The following SH3RF2 variants were observed in gnomAD, a reference collection of about 807,000 sequenced individuals.
SH3RF2 encodes E3 ubiquitin-protein ligase SH3RF2.
SH3RF2 carries 43 observed loss-of-function variants against 59.0 expected under a neutral mutation model. That is an observed-to-expected ratio of 0.73 (90% CI 0.57 to 0.94). The LOEUF is 0.94. Among genes scored for constraint, SH3RF2 ranks in the 40% least tolerant of loss-of-function variants. SH3RF2 has a pLI of 0.00. For synonymous variants in SH3RF2, 391 were observed against 391.5 expected, an observed-to-expected ratio of 1.00 and a Z score of 0.01; for missense variants, 930 against 940.1, an observed-to-expected ratio of 0.99 and a Z score of 0.14.
intron 2 of SH3RF2, among the ~76,000 whole-genome samples, chr5:145,947,408 T>C (rs1758039273): frequency 6.6e-6 from 1 of 152,164 alleles, no homozygotes; most frequent in Non-Finnish European, 1.5e-5. Flanking sequence ...TACTATGAAA[T>C]AGAAATAGTA....
At chr5:146,024,004 A>G (rs1013586435) in intron 5 of SH3RF2, among the ~76,000 whole-genome samples, 11 of 152,204 alleles carry the variant, frequency 7.2e-5, no homozygotes, top group African/African-American at 2.7e-4. Context: ...TTATCCACTC[A>G]TCAATGAATG....
At chr5:146,022,874 A>AACACACACACACACAC (rs57377156) in intron 5 of SH3RF2, among the ~76,000 whole-genome samples, 3 of 142,058 alleles carry the variant, frequency 2.1e-5, no homozygotes, top group African/African-American at 8.1e-5. Flanking sequence ...GCTCCATCTA[A>AACACACACACACACAC]ACACACACAC....
intron 2 of SH3RF2, among the ~76,000 whole-genome samples, chr5:145,989,230 C>T (rs1177498980): frequency 6.6e-6 from 1 of 152,166 alleles, no homozygotes; most frequent in Non-Finnish European, 1.5e-5. Flanking sequence ...GAGTATGGAA[C>T]CTTTGTGTAA....
chr5:145,954,406 T>C (rs1758314089), intron 2 of SH3RF2, among the ~76,000 whole-genome samples: 1 of 152,240 alleles, frequency 6.6e-6, no homozygotes, highest in Admixed American at 6.5e-5. Flanking sequence ...TAGGGTTGTT[T>C]GTTTTTCTCT....
downstream of SH3RF2, among the ~76,000 whole-genome samples, chr5:146,064,982 C>T (rs1763069641): frequency 6.6e-6 from 1 of 152,134 alleles, no homozygotes; most frequent in Admixed American, 6.5e-5. Context: ...TTTACACACC[C>T]ACTCACACAC....
At chr5:146,035,162 A>AT (rs111621112) in intron 5 of SH3RF2, among the ~76,000 whole-genome samples, 2,296 of 150,712 alleles carry the variant, frequency 0.015, 30 homozygotes, top group Middle Eastern at 0.035. Context: ...GTGGTAGGCG[A>AT]TTTTTTTTTC....
chr5:145,944,729 C>T (rs1757946829), intron 2 of SH3RF2, among the ~76,000 whole-genome samples: 1 of 152,142 alleles, frequency 6.6e-6, no homozygotes, highest in Non-Finnish European at 1.5e-5. Context: ...AAACATTTCC[C>T]ACATTTCTAT....
chr5:145,977,652 C>T (rs1401502502), intron 2 of SH3RF2, among the ~76,000 whole-genome samples: 1 of 152,176 alleles, frequency 6.6e-6, no homozygotes, highest in African/African-American at 2.4e-5. Flanking sequence ...ATGGCTGGTC[C>T]TATTACTATC....
chr5:146,027,332 A>G (rs115997208), intron 5 of SH3RF2, among the ~76,000 whole-genome samples: 1,738 of 152,332 alleles, frequency 0.011, 32 homozygotes, highest in African/African-American at 0.04. Context: ...CATTTCCTAT[A>G]CACACCTCGC....
exon 10 of SH3RF2, chr5:146,080,285 A>G (rs143612138): frequency 1.3e-5 from 2 of 152,274 alleles, no homozygotes; most frequent in African/African-American, 4.8e-5. Flanking sequence ...GTTAAGGGTA[A>G]AAAGAGGAAG....
intron 5 of SH3RF2, among the ~76,000 whole-genome samples, chr5:146,044,868 C>T (rs1461662133): frequency 1.3e-5 from 2 of 152,154 alleles, no homozygotes; most frequent in Non-Finnish European, 2.9e-5. Flanking sequence ...AATGTCATCA[C>T]AAGCCCACAG....
chr5:146,049,477 GC>G (rs1161052474), intron 7 of SH3RF2, among the ~76,000 whole-genome samples: 2 of 152,206 alleles, frequency 1.3e-5, no homozygotes, highest in African/African-American at 4.8e-5. Context: ...CACAGGCTGT[GC>G]CCAAGAATCC....
chr5:145,958,143 C>CA (rs904618955), intron 2 of SH3RF2, among the ~76,000 whole-genome samples: 7 of 151,388 alleles, frequency 4.6e-5, no homozygotes, highest in African/African-American at 1.7e-4. Flanking sequence ...CAAAACAAAA[C>CA]AAAAAAACCT....
chr5:146,064,682 GAAA>G (rs1424782714), downstream of SH3RF2, among the ~76,000 whole-genome samples: 1 of 3,340 alleles, frequency 3.0e-4, no homozygotes, highest in African/African-American at 7.2e-4. Context: ...AAGAAAGAAA[GAAA>G]GAAAGAAAGA....
At chr5:145,990,590 T>G (rs1472421790) in intron 2 of SH3RF2, among the ~76,000 whole-genome samples, 1 of 152,192 alleles carries the variant, frequency 6.6e-6, no homozygotes, top group East Asian at 1.9e-4. Context: ...ATAATTTTAT[T>G]GCTAAAGTGC....
intron 2 of SH3RF2, among the ~76,000 whole-genome samples, chr5:145,959,615 A>ATGTGTGTGTGTG (rs35295719): frequency 6.9e-6 from 1 of 145,412 alleles, no homozygotes. Flanking sequence ...CTATATATAT[A>ATGTGTGTGTGTG]TGTGTGTGTG....
At chr5:146,051,095 C>T (rs1206251811) in intron 7 of SH3RF2, among the ~76,000 whole-genome samples, 4 of 152,098 alleles carry the variant, frequency 2.6e-5, no homozygotes, top group African/African-American at 9.7e-5. Flanking sequence ...AGTAGCCAGA[C>T]GTGGTGGTGG....
chr5:145,993,193 G>A (rs1348682437), intron 2 of SH3RF2, among the ~76,000 whole-genome samples: 2 of 152,122 alleles, frequency 1.3e-5, no homozygotes, highest in African/African-American at 4.8e-5. Context: ...TCCAGATCAC[G>A]CTAATGCAAG....
Position 146,008,283 on chromosome 5 carries a change from C to T in SH3RF2, c.744+4130C>T, listed in dbSNP as rs73312197. Among the ~76,000 whole-genome samples, 938 of 152,266 alleles carry T rather than the reference C, an allele frequency of 6.2e-3. 11 individuals carry two copies. The highest frequency in any genetic ancestry group is 0.022 in the African/African-American group (919 of 41,540). On this transcript the variant is annotated intron_variant, in intron 4 of 9. Coordinates refer to ENST00000359120, the MANE Select transcript of SH3RF2 (RefSeq NM_152550.4). The stretch of plus-strand genomic sequence containing the variant: ...AGCTATTAATCATGTTGGCAGAGGA[C>T]AGGGCAGACGCAGAGTCTCCCGGAG...
Sources: gnomAD v4.1 joint callset for allele counts (sites outside exome capture counted in the v4.1 genomes callset) on GRCh38, gnomAD v4.1.1 for gene constraint, MANE v1.5 for transcripts, NCBI Gene and HGNC (gene_info 2026-07-23, HGNC 2026-07-21) for gene names.